The following COL27A1 variants were observed in gnomAD, a reference collection of about 807,000 sequenced individuals.
COL27A1 encodes the protein collagen type XXVII alpha 1 chain.
Under a neutral mutation model 251.3 loss-of-function variants are expected in COL27A1, and 106 were observed. The ratio of observed to expected loss-of-function variants is 0.42; its 90% CI spans 0.36 to 0.50. The LOEUF is 0.50. Ranked by LOEUF, COL27A1 falls within the 20% of genes least tolerant of loss-of-function variation. COL27A1 has a pLI of 0.00. For missense variants in COL27A1, 2,325 were observed against 2,522.8 expected (o/e 0.92, Z 1.68); for synonymous variants, 1,000 against 986.3 (o/e 1.01, Z -0.26).
rs1341932370 is a variant in COL27A1 at position 114,222,179 on chromosome 9, G to A, written c.2422-44G>A. The A allele has an allele frequency of 2.5e-6, 4 of 1,590,894 alleles. No homozygotes were observed. In the Admixed American group the frequency reaches 5.0e-5, roughly 20 times the overall value. ...ATGACATGGAGGGAGGGGCCCTGGA[G>A]GGAGATGGGACAAGTAACCACCTTG... On this transcript the variant is annotated intron_variant, in intron 13 of 60. Coordinates refer to ENST00000356083, the MANE Select transcript of COL27A1 (RefSeq NM_032888.4).
Position 114,290,993 on chromosome 9 carries a change from T to C in COL27A1, c.4476+76T>C. The C allele has an allele frequency of 9.1e-7, 1 of 1,096,530 alleles. No individual in the cohort carries two copies. The highest frequency in any genetic ancestry group is 1.6e-5 in the African/African-American group (1 of 63,116). The allele number at this position is 1,096,530 out of a possible 1,614,324, so 67.9% of individuals were successfully genotyped here. A position where few individuals can be genotyped will look rare whatever the true frequency, so the allele number is the denominator to read the frequency against. ...TGCAGACTCTAGTGGTTCCGACCCT[T>C]TGGGCACCCATGTCCCAGGGCCTGT... On this transcript the variant is annotated intron_variant, in intron 48 of 60. Transcript: ENST00000356083. This position sits in a 1 kb window ranked among gnomAD's most constrained non-coding sequence, Gnocchi z 4.6.
intron 18 of COL27A1, 117 bp from the exon 19 acceptor site, chr9:114,237,545 A>G: frequency 3.4e-6 from 3 of 869,828 alleles, no homozygotes; most frequent in Non-Finnish European, 5.8e-6. Flanking sequence ...GTCCAGGCAG[A>G]TTTTATGCAC....
At chr9:114,162,188 C>T (rs10817575) in intron 1 of COL27A1, among the ~76,000 whole-genome samples, 18,562 of 152,254 alleles carry the variant, frequency 0.12, 1,538 homozygotes, top group East Asian at 0.43. Flanking sequence ...GGTCTCCTCT[C>T]TCCTGCCCTG....
chr9:114,225,788 C>T (rs1831429762), intron 14 of COL27A1, among the ~76,000 whole-genome samples: 1 of 152,222 alleles, frequency 6.6e-6, no homozygotes, highest in Non-Finnish European at 1.5e-5. Flanking sequence ...AGACTGAAGC[C>T]AAACCTTCCT....
intron 37 of COL27A1, among the ~76,000 whole-genome samples, chr9:114,276,660 G>A (rs1447554785): frequency 1.3e-5 from 2 of 152,180 alleles, no homozygotes; most frequent in African/African-American, 2.4e-5. Flanking sequence ...CATAAGAGGT[G>A]ACCAAAGTCT....
At chr9:114,166,400 CACCCACCT>C (rs1272606126) in intron 2 of COL27A1, among the ~76,000 whole-genome samples, 2 of 147,862 alleles carry the variant, frequency 1.4e-5, no homozygotes, top group African/African-American at 5.0e-5. Context: ...TCCATCCACC[CACCCACCT>C]ATCCATTTAT....
intron 11 of COL27A1, 85 bp from the exon 12 acceptor site, chr9:114,210,897 T>C: frequency 7.2e-7 from 1 of 1,389,632 alleles, no homozygotes; most frequent in African/African-American, 1.4e-5. Flanking sequence ...CTTCCTGCCG[T>C]GGGTGGCTCT....
chr9:114,306,943 T>C (rs1249761), intron 58 of COL27A1: 276,442 of 437,360 alleles, frequency 0.63, 87,799 homozygotes, highest in Admixed American at 0.68. Context: ...TCCCCACCCC[T>C]GGGGCCCATC....
intron 3 of COL27A1, among the ~76,000 whole-genome samples, chr9:114,171,307 C>T (rs528757243): frequency 8.5e-5 from 13 of 152,264 alleles, no homozygotes; most frequent in African/African-American, 3.1e-4. Flanking sequence ...TTGAAGTTTA[C>T]ATTCCAGACT....
At chr9:114,269,967 C>T (rs1835026442) in intron 35 of COL27A1, among the ~76,000 whole-genome samples, 1 of 152,188 alleles carries the variant, frequency 6.6e-6, no homozygotes, top group African/African-American at 2.4e-5. Context: ...ATTTCAAGAA[C>T]TGTTGTCCAG....
chr9:114,191,962 T>C (rs1461535236), intron 5 of COL27A1, among the ~76,000 whole-genome samples: 1 of 152,234 alleles, frequency 6.6e-6, no homozygotes, highest in African/African-American at 2.4e-5. Context: ...GGTTTTTCCA[T>C]CATGGACATG....
At chr9:114,275,561 T>C in intron 36 of COL27A1, 100 bp from the exon 37 acceptor site, 2 of 726,248 alleles carry the variant, frequency 2.8e-6, no homozygotes, top group Non-Finnish European at 4.5e-6. Context: ...ACCAGTTGGC[T>C]GTGGATGCCT....
intron 37 of COL27A1, among the ~76,000 whole-genome samples, chr9:114,280,838 T>C (rs1200003843): frequency 6.6e-6 from 1 of 152,200 alleles, no homozygotes; most frequent in African/African-American, 2.4e-5. Flanking sequence ...CATTAGTCTT[T>C]AGAGCAGACA....
In COL27A1 at chr9:114,306,706, CG is replaced by C. The variant is rs1829076247; in HGVS notation, c.5107+23del. Reference sequence around the variant, plus strand: ...GGTGGATGGTGAGAAGGCTTCCTGCCGGGGGTGGGTGCGCCTGGCGGTGGGG... The same window carrying C: ...GGTGGATGGTGAGAAGGCTTCCTGCCGGGGTGGGTGCGCCTGGCGGTGGGG... On this transcript the variant is annotated intron_variant, in intron 58 of 60. Coordinates refer to ENST00000356083, the MANE Select transcript of COL27A1 (RefSeq NM_032888.4). The C allele has an allele frequency of 3.7e-6, 6 of 1,607,970 alleles. No homozygotes were observed. The South Asian group carries it at 5.5e-5, about 15-fold the overall frequency.
chr9:114,179,638 CTGTT>C (rs1203861618), intron 4 of COL27A1, among the ~76,000 whole-genome samples: 2 of 152,218 alleles, frequency 1.3e-5, no homozygotes, highest in Admixed American at 6.5e-5. Flanking sequence ...CCACTAAACT[CTGTT>C]TGCTGAGCCA....
At chr9:114,252,726 T>A in intron 26 of COL27A1, 80 bp downstream of exon 26, 1 of 1,445,590 alleles carries the variant, frequency 6.9e-7, no homozygotes. Context: ...ATGAACCGCT[T>A]ACCCCAGACG....
At chr9:114,268,883 C>T in intron 34 of COL27A1, 1 of 192,048 alleles carries the variant, frequency 5.2e-6, no homozygotes, top group Non-Finnish European at 1.1e-5. Context: ...CTGCAGTGAG[C>T]TGTGATTACC....
chr9:114,257,931 C>T (rs189673815), intron 27 of COL27A1, among the ~76,000 whole-genome samples: 1 of 152,304 alleles, frequency 6.6e-6, no homozygotes, highest in Admixed American at 6.5e-5. Flanking sequence ...GATGCAGTGG[C>T]TCACACCTGT....
intron 37 of COL27A1, among the ~76,000 whole-genome samples, chr9:114,281,697 C>T (rs1835920751): frequency 6.6e-6 from 1 of 152,210 alleles, no homozygotes; most frequent in African/African-American, 2.4e-5. Context: ...CTCATGTCAT[C>T]AGTGGGGACC....
Sources: allele counts gnomAD v4.1 joint callset (sites outside exome capture counted in the v4.1 genomes callset), GRCh38; gene constraint gnomAD v4.1.1; non-coding constraint Gnocchi (gnomAD v3.1); transcripts MANE v1.5; gene names NCBI Gene and HGNC (gene_info 2026-07-23, HGNC 2026-07-21).